DIAPH2: variants seen among roughly 807,000 people sequenced by gnomAD.
DIAPH2 encodes the protein protein diaphanous homolog 2.
DIAPH2 carries 35 observed loss-of-function variants against 92.7 expected under a neutral mutation model. The ratio of observed to expected loss-of-function variants is 0.38; its 90% confidence interval spans 0.29 to 0.50. The LOEUF is 0.50. DIAPH2 is among the 20% of genes least tolerant of loss of function. The pLI is 0.94. For missense variants in DIAPH2, 701 were observed against 819.5 expected (o/e 0.86, Z 1.77); for synonymous variants, 301 against 280.4 (o/e 1.07, Z -0.73).
At chrX:96,962,398 TATATACAC>T (rs1435914625) in intron 16 of DIAPH2, among the ~76,000 whole-genome samples, 1 of 62,866 alleles carries the variant, frequency 1.6e-5, no homozygotes, top group Non-Finnish European at 2.9e-5. Context: ...TATACACATA[TATATACAC>T]ATATATATAT....
At chrX:96,704,720 T>C (rs984643894) in intron 1 of DIAPH2, among the ~76,000 whole-genome samples, 3 of 111,680 alleles carry the variant, frequency 2.7e-5, no homozygotes, top group East Asian at 5.6e-4. Flanking sequence ...TTTCCTAATA[T>C]GTTTAGTGCT....
At chrX:97,192,317 AAAG>A (rs1476171419) in intron 22 of DIAPH2, among the ~76,000 whole-genome samples, 68 of 109,360 alleles carry the variant, frequency 6.2e-4, no homozygotes, top group African/African-American at 2.2e-3. Context: ...AAAAAAAAGA[AAAG>A]AAAAGAAAAG....
At chrX:96,694,260 T>A (rs914487964) in intron 1 of DIAPH2, among the ~76,000 whole-genome samples, 3 of 111,462 alleles carry the variant, frequency 2.7e-5, no homozygotes, top group African/African-American at 9.8e-5. Flanking sequence ...AGCTTAAGGC[T>A]CCTCCCTTTC....
chrX:96,941,044 G>A (rs1335799174), intron 12 of DIAPH2, among the ~76,000 whole-genome samples: 1 of 110,783 alleles, frequency 9.0e-6, no homozygotes, highest in African/African-American at 3.3e-5. Context: ...ACCCGAAGAT[G>A]ACTTGAAAAA....
chrX:96,685,106 G>A lies in DIAPH2; in HGVS notation c.48G>A (p.Glu16=). The A allele has an allele frequency of 9.8e-7, 1 of 1,016,244 alleles. No individual in the cohort carries two copies. The highest frequency in any genetic ancestry group is 1.3e-6 in the Non-Finnish European group (1 of 795,454). The allele number at this position is 1,016,244 out of a possible 1,213,427, so 83.7% of individuals were successfully genotyped here. Reference sequence around the variant, plus strand: ...CGTCGGGAGCGGGAGGCGGCAGCGAGGAACCCGGTGGGGGCCGGAGCAACA... The same window carrying A: ...CGTCGGGAGCGGGAGGCGGCAGCGAAGAACCCGGTGGGGGCCGGAGCAACA... ...AAASGAGGGS[E]EPGGGRSNKR... The change falls in exon 1 of 27, where the codon GAG becomes GAA. Residue 16 remains glutamate, a synonymous_variant. Coordinates refer to ENST00000324765, the MANE Select transcript of DIAPH2 (RefSeq NM_006729.5).
At chrX:96,765,797 G>A (rs1016807761) in intron 4 of DIAPH2, among the ~76,000 whole-genome samples, 1 of 111,133 alleles carries the variant, frequency 9.0e-6, no homozygotes, top group East Asian at 2.9e-4. Flanking sequence ...CTCCAGCTTC[G>A]TTCTTACTGG....
intron 4 of DIAPH2, among the ~76,000 whole-genome samples, chrX:96,877,016 T>G (rs1394189122): frequency 8.9e-6 from 1 of 111,815 alleles, no homozygotes; most frequent in Non-Finnish European, 1.9e-5. Flanking sequence ...ATTACATAAC[T>G]GTATTACTCT....
chrX:97,558,011 C>A (rs2071269069), intron 26 of DIAPH2, among the ~76,000 whole-genome samples: 1 of 112,369 alleles, frequency 8.9e-6, no homozygotes, highest in Non-Finnish European at 1.9e-5. Context: ...AATGTCAATG[C>A]TAGTTCCTAG....
intron 17 of DIAPH2, among the ~76,000 whole-genome samples, chrX:97,057,152 G>A (rs1160763674): frequency 1.8e-5 from 2 of 111,860 alleles, no homozygotes; most frequent in Non-Finnish European, 3.8e-5. Flanking sequence ...TGTGGCAAAA[G>A]GAGATGTGGA....
At chrX:97,140,861 A>C (rs909649274) in intron 21 of DIAPH2, among the ~76,000 whole-genome samples, 1 of 111,779 alleles carries the variant, frequency 8.9e-6, no homozygotes, top group Admixed American at 9.5e-5. Flanking sequence ...CAAACCCATC[A>C]TCTAAGGATT....
intron 4 of DIAPH2, among the ~76,000 whole-genome samples, chrX:96,855,484 G>A (rs143818624): frequency 0.017 from 1,900 of 109,053 alleles, 35 homozygotes; most frequent in African/African-American, 0.06. Flanking sequence ...ATTGAATTTT[G>A]TACAAACCAA....
At chrX:97,250,298 A>T (rs1253438493) in intron 23 of DIAPH2, among the ~76,000 whole-genome samples, 1 of 111,706 alleles carries the variant, frequency 9.0e-6, no homozygotes, top group African/African-American at 3.3e-5. Context: ...CTACTTAAAC[A>T]GTAATCTGTC....
At chrX:97,006,650 A>T (rs1183400710) in intron 17 of DIAPH2, among the ~76,000 whole-genome samples, 2 of 112,225 alleles carry the variant, frequency 1.8e-5, no homozygotes, top group Non-Finnish European at 3.8e-5. Context: ...TTTATAGGTG[A>T]AGCGTGTTTC....
At chrX:97,333,943 A>G (rs988696031) in intron 23 of DIAPH2, among the ~76,000 whole-genome samples, 1 of 110,491 alleles carries the variant, frequency 9.1e-6, no homozygotes, top group Non-Finnish European at 1.9e-5. Context: ...CCTATGTCCA[A>G]TCTCTCATCT....
chrX:97,074,394 G>A (rs754204244), intron 18 of DIAPH2, among the ~76,000 whole-genome samples: 1 of 111,239 alleles, frequency 9.0e-6, no homozygotes, highest in Admixed American at 9.6e-5. Context: ...CAACAAGAAC[G>A]AAACTGTCTC....
intron 19 of DIAPH2, among the ~76,000 whole-genome samples, chrX:97,089,743 T>G (rs2066809205): frequency 9.0e-6 from 1 of 110,844 alleles, no homozygotes; most frequent in African/African-American, 3.3e-5. Flanking sequence ...TATTTTTTTT[T>G]TGGAGACAGA....
chrX:97,100,987 T>C (rs1022414344), intron 20 of DIAPH2, among the ~76,000 whole-genome samples: 1 of 112,138 alleles, frequency 8.9e-6, no homozygotes, highest in African/African-American at 3.2e-5. Flanking sequence ...ATAGAGCATA[T>C]AATGGTATCT....
rs755611520 is a variant in DIAPH2 at position 96,741,370 on chromosome X, C to A, written c.342+2608C>A. Among the ~76,000 whole-genome samples the A allele has an allele frequency of 9.1e-5, 10 of 109,425 alleles. No homozygotes were observed. In the East Asian group the frequency reaches 2.9e-3, roughly 32 times the overall value. ...CTCACTTTCTCTTCTAAACTCACTC[C>A]AACCAGGTTTCCATCCCACCATTCT... is the stretch of plus-strand genomic sequence containing the variant. On this transcript the variant is annotated intron_variant, in intron 3 of 26. Transcript: ENST00000324765.
chrX:97,206,805 G>C (rs1488563721), intron 22 of DIAPH2, among the ~76,000 whole-genome samples: 1 of 111,546 alleles, frequency 9.0e-6, no homozygotes, highest in African/African-American at 3.3e-5. Flanking sequence ...GGCAGGCAAT[G>C]CTTTTAAAAT....
Sources: gnomAD v4.1 joint callset for allele counts (sites outside exome capture counted in the v4.1 genomes callset) on GRCh38, gnomAD v4.1.1 for gene constraint, MANE v1.5 for transcripts, NCBI Gene and HGNC (gene_info 2026-07-23, HGNC 2026-07-21) for gene names.